The following ULK4 variants were observed in gnomAD, a reference collection of about 807,000 sequenced individuals.
The protein encoded by ULK4 is unc-51 like kinase 4, also known as inactive serine/threonine-protein kinase ULK4.
In ULK4, 133 loss-of-function variants were observed where a neutral mutation model predicts 160.6. The observed-to-expected ratio is 0.83, with a 90% CI of 0.72 to 0.96. ULK4 has a LOEUF of 0.96. Among genes scored for constraint, ULK4 ranks in the 40% least tolerant of loss-of-function variants. ULK4 has a pLI of 0.00. For synonymous variants in ULK4, 534 were observed against 539.8 expected, an observed-to-expected ratio of 0.99 and a Z score of 0.15; for missense variants, 1,580 against 1,499.5, an observed-to-expected ratio of 1.05 and a Z score of -0.89.
chr3:41,271,741 A>T (rs2079141694), intron 35 of ULK4, among the ~76,000 whole-genome samples: 1 of 152,104 alleles, frequency 6.6e-6, no homozygotes, highest in African/African-American at 2.4e-5. Context: ...GTTTGGATAC[A>T]TCACAGTTTG....
chr3:41,285,686 A>G (rs2079443686), intron 35 of ULK4, among the ~76,000 whole-genome samples: 1 of 152,202 alleles, frequency 6.6e-6, no homozygotes, highest in Admixed American at 6.5e-5. Context: ...AGTCACCACA[A>G]AATAACTTAC....
At chr3:41,839,867 A>G (rs2041860942) in intron 17 of ULK4, among the ~76,000 whole-genome samples, 1 of 152,202 alleles carries the variant, frequency 6.6e-6, no homozygotes, top group East Asian at 1.9e-4. Context: ...TAAAAATCTA[A>G]CAAAACAGGT....
chr3:41,766,665 A>G (rs1428075694), intron 21 of ULK4: 1 of 152,184 alleles, frequency 6.6e-6, no homozygotes, highest in African/African-American at 2.4e-5. Context: ...TTGTCTTTAA[A>G]TTTTCTTAAT....
At position 41,835,897 on chromosome 3, in the gene ULK4, G is replaced by A. The variant is rs2041739532; in HGVS notation, c.1731C>T (p.Thr577=). The A allele has an allele frequency of 1.2e-6, 2 of 1,613,054 alleles. No individual in the cohort carries two copies. Among genetic ancestry groups the A allele is most frequent in the Non-Finnish European group, 1.7e-6 (2 of 1,179,494 alleles). Residue 577 remains threonine (T), a synonymous_variant, in exon 18 of 37, where the codon ACC becomes ACT. Transcript: ENST00000301831. ...NSKLKQCLLP[T]LGELIYLVAT... ...CTACAAGATAGATCAGCTCCCCAAG[G>A]GTTGGTAAAAGGCACTGTTTTAATT...
intron 19 of ULK4, among the ~76,000 whole-genome samples, chr3:41,810,281 C>T (rs1380807481): frequency 6.6e-6 from 1 of 152,158 alleles, no homozygotes; most frequent in African/African-American, 2.4e-5. Flanking sequence ...ACTTTCCTTT[C>T]AATCCAGTGT....
At chr3:41,469,462 C>A (rs2083915997) in intron 32 of ULK4, among the ~76,000 whole-genome samples, 2 of 151,820 alleles carry the variant, frequency 1.3e-5, no homozygotes, top group South Asian at 4.2e-4. Context: ...AGAGCCCAGC[C>A]AGCTGCCTCA....
rs182471482 is a variant in ULK4, at chr3:41,412,622, G to A, written c.3493-14358C>T. ...GTTGCCCAGGCTGGAGTGCAGTGTC[G>A]CAATCTCTGCTTAATGCAACCTCTG... On this transcript the variant is annotated intron_variant, in intron 34 of 36. Transcript: ENST00000301831. Among the ~76,000 whole-genome samples the A allele has an allele frequency of 5.2e-4, 73 of 140,760 alleles. 1 individual carries two copies. The highest frequency in any genetic ancestry group is 3.4e-3 in the Admixed American group (44 of 13,048). 92.3% of individuals were successfully genotyped at this position (140,760 alleles called of 152,430 possible).
intron 21 of ULK4, among the ~76,000 whole-genome samples, chr3:41,754,992 T>A (rs1358355134): frequency 2.0e-5 from 3 of 152,218 alleles, no homozygotes; most frequent in African/African-American, 7.2e-5. Context: ...CGTATACTCC[T>A]ATAACACTCT....
chr3:41,806,281 T>G (rs927341660), intron 19 of ULK4, among the ~76,000 whole-genome samples: 2 of 151,842 alleles, frequency 1.3e-5, no homozygotes, highest in East Asian at 3.9e-4. Flanking sequence ...TAGAGGTGTT[T>G]GTAGTATTCT....
At chr3:41,602,286 GAAAGGAAAGGAAAGGAA>G (rs1427264824) in intron 31 of ULK4, among the ~76,000 whole-genome samples, 141 of 120,200 alleles carry the variant, frequency 1.2e-3, no homozygotes, top group South Asian at 1.6e-3. Flanking sequence ...GAAAGGAAAG[GAAAGGAAAGGAAAGGAA>G]AGGAAAGGAA....
intron 32 of ULK4, among the ~76,000 whole-genome samples, chr3:41,550,948 T>C (rs1037434311): frequency 4.6e-5 from 7 of 151,982 alleles, no homozygotes; most frequent in African/African-American, 1.7e-4. Flanking sequence ...CAGAACATAA[T>C]GGAGTAAAAC....
chr3:41,619,654 G>GA (rs2033147037), intron 30 of ULK4, among the ~76,000 whole-genome samples: 1 of 151,554 alleles, frequency 6.6e-6, no homozygotes, highest in South Asian at 2.1e-4. Flanking sequence ...ATGCCCACAG[G>GA]AAAAAAACGG....
intron 32 of ULK4, among the ~76,000 whole-genome samples, chr3:41,476,134 C>T (rs2084137037): frequency 6.6e-6 from 1 of 151,922 alleles, no homozygotes; most frequent in Admixed American, 6.6e-5. Flanking sequence ...GGGCTGACAC[C>T]ACCAGTGGTC....
chr3:41,855,177 C>T (rs914699628), intron 17 of ULK4, among the ~76,000 whole-genome samples: 4 of 152,112 alleles, frequency 2.6e-5, no homozygotes, highest in African/African-American at 9.7e-5. Flanking sequence ...CAATGCTCTG[C>T]GTCTTCTTAC....
intron 2 of ULK4, 29 bp downstream of exon 2, chr3:41,954,593 C>G: frequency 6.2e-7 from 1 of 1,600,102 alleles, no homozygotes; most frequent in Non-Finnish European, 8.5e-7. Context: ...TCTCTCTTTC[C>G]CCATGCCAAT....
At chr3:41,469,166 T>G (rs530100706) in intron 32 of ULK4, among the ~76,000 whole-genome samples, 70 of 152,270 alleles carry the variant, frequency 4.6e-4, no homozygotes, top group Non-Finnish European at 1.5e-4. Flanking sequence ...GCAGAGGCTC[T>G]ATCTATCACA....
chr3:41,368,222 GT>G (rs928306476), intron 35 of ULK4, among the ~76,000 whole-genome samples: 2 of 151,644 alleles, frequency 1.3e-5, no homozygotes, highest in African/African-American at 4.8e-5. Flanking sequence ...TAATTTTCTT[GT>G]TTTTTTCAGT....
At chr3:41,744,042 T>C (rs2038334418) in intron 22 of ULK4, among the ~76,000 whole-genome samples, 1 of 151,894 alleles carries the variant, frequency 6.6e-6, no homozygotes, top group African/African-American at 2.4e-5. Flanking sequence ...TATGTATGTA[T>C]ATTGCAACAA....
At chr3:41,328,593 G>A (rs1000262525) in intron 35 of ULK4, among the ~76,000 whole-genome samples, 2 of 152,160 alleles carry the variant, frequency 1.3e-5, no homozygotes, top group African/African-American at 4.8e-5. Context: ...ACTGGTAGAA[G>A]TTACAGTGAG....
Sources: allele counts gnomAD v4.1 joint callset (sites outside exome capture counted in the v4.1 genomes callset), GRCh38; gene constraint gnomAD v4.1.1; transcripts MANE v1.5; gene names NCBI Gene and HGNC (gene_info 2026-07-23, HGNC 2026-07-21).